NKAIN3: variants seen among roughly 807,000 people sequenced by gnomAD.
NKAIN3 encodes sodium/potassium-transporting ATPase subunit beta-1-interacting protein 3.
NKAIN3 carries 25 observed loss-of-function variants against 30.2 expected under a neutral mutation model. The ratio of observed to expected loss-of-function variants is 0.83; its 90% CI spans 0.60 to 1.16. NKAIN3 has a LOEUF of 1.16. NKAIN3 is among the 50% of genes most tolerant of loss of function. The probability of loss-of-function intolerance (pLI) is 0.00; values close to 1 mark genes in which losing one functional copy is unlikely to be tolerated. For missense variants in NKAIN3, 225 were observed against 254.1 expected (o/e 0.89, Z 0.78); for synonymous variants, 91 against 89.6 (o/e 1.02, Z -0.09).
intron 1 of NKAIN3, among the ~76,000 whole-genome samples, chr8:62,319,910 C>G (rs1338612400): frequency 6.6e-6 from 1 of 152,110 alleles, no homozygotes; most frequent in Admixed American, 6.6e-5. Context: ...TCTCGTTGAT[C>G]TGTCTAATGT....
At chr8:62,717,299 A>G (rs941791392) in intron 3 of NKAIN3, among the ~76,000 whole-genome samples, 2 of 152,192 alleles carry the variant, frequency 1.3e-5, no homozygotes, top group South Asian at 2.1e-4. Context: ...TTATTTTCCT[A>G]CAAGTATCAG....
At chr8:62,321,965 G>A (rs111428881) in intron 1 of NKAIN3, among the ~76,000 whole-genome samples, 2,134 of 152,244 alleles carry the variant, frequency 0.014, 45 homozygotes, top group African/African-American at 0.046. Flanking sequence ...CTTGAGCTGC[G>A]GTGGGCTCTA....
intron 3 of NKAIN3, among the ~76,000 whole-genome samples, chr8:62,648,508 A>G (rs1200300868): frequency 2.0e-5 from 3 of 152,148 alleles, no homozygotes; most frequent in Non-Finnish European, 2.9e-5. Flanking sequence ...AGGATAGAGG[A>G]AATAGAAAAA....
intron 4 of NKAIN3, among the ~76,000 whole-genome samples, chr8:62,858,805 G>A (rs902554807): frequency 2.0e-5 from 3 of 152,312 alleles, no homozygotes; most frequent in Admixed American, 2.0e-4. Flanking sequence ...TTTACTGCAG[G>A]CTGGCTGGAA....
At chr8:62,318,633 G>A (rs539998070) in intron 1 of NKAIN3, among the ~76,000 whole-genome samples, 10 of 152,240 alleles carry the variant, frequency 6.6e-5, no homozygotes, top group East Asian at 5.8e-4. Flanking sequence ...GCTGTATTAC[G>A]TTTATTGATT....
intron 3 of NKAIN3, among the ~76,000 whole-genome samples, chr8:62,642,910 T>C (rs547064778): frequency 1.1e-4 from 17 of 152,208 alleles, no homozygotes; most frequent in African/African-American, 3.9e-4. Context: ...TATAATAAGA[T>C]TGAATAAAAT....
intron 4 of NKAIN3, among the ~76,000 whole-genome samples, chr8:62,883,700 T>C (rs1310390434): frequency 5.3e-5 from 8 of 151,978 alleles, no homozygotes; most frequent in African/African-American, 1.9e-4. Context: ...TTTTTGTAGA[T>C]GTTTTTTGCC....
intron 1 of NKAIN3, among the ~76,000 whole-genome samples, chr8:62,498,830 G>A (rs1352397356): frequency 6.6e-6 from 1 of 151,834 alleles, no homozygotes; most frequent in African/African-American, 2.4e-5. Context: ...TAATGGGGAG[G>A]ACTGACATGA....
chr8:62,380,151 A>C (rs1209295210), intron 1 of NKAIN3, among the ~76,000 whole-genome samples: 2 of 152,246 alleles, frequency 1.3e-5, no homozygotes, highest in East Asian at 1.9e-4. Flanking sequence ...TAGCTTAGGC[A>C]GACTTCTGCC....
At chr8:62,601,674 A>G (rs1278296111) in intron 3 of NKAIN3, among the ~76,000 whole-genome samples, 4 of 152,038 alleles carry the variant, frequency 2.6e-5, no homozygotes, top group Admixed American at 6.6e-5. Context: ...GGATCTGTAA[A>G]GGGAGAATCA....
At chr8:62,942,130 G>A (rs2130884021) in intron 5 of NKAIN3, among the ~76,000 whole-genome samples, 1 of 150,774 alleles carries the variant, frequency 6.6e-6, no homozygotes, top group Non-Finnish European at 1.5e-5. Context: ...CAACAAAGCT[G>A]TGAATCAAAT....
intron 4 of NKAIN3, among the ~76,000 whole-genome samples, chr8:62,831,928 G>T (rs1330245476): frequency 6.6e-6 from 1 of 151,954 alleles, no homozygotes; most frequent in Non-Finnish European, 1.5e-5. Flanking sequence ...GACTGTCCAA[G>T]GCCAACGATA....
rs943357957 is a variant in NKAIN3 at position 62,966,779 on chromosome 8, A to T, written c.*1372A>T. 4.6e-5 allele frequency among the ~76,000 whole-genome samples: 7 copies of T among 152,204 alleles called. No individual in the cohort carries two copies. Among genetic ancestry groups the T allele is most frequent in the African/African-American group, 1.4e-4 (6 of 41,462 alleles). On this transcript the variant is annotated 3_prime_UTR_variant, in exon 7 of 7. Coordinates refer to ENST00000623646, the MANE Select transcript of NKAIN3 (RefSeq NM_001304533.3). ...ACAGTGAAGCTCCCTATAGGCCAGA[A>T]AGTTGTGAATATGTGGTTATTAACT...
At chr8:62,731,024 G>A (rs1351564958) in intron 3 of NKAIN3, among the ~76,000 whole-genome samples, 2 of 151,988 alleles carry the variant, frequency 1.3e-5, no homozygotes, top group African/African-American at 2.4e-5. Flanking sequence ...TGTGACTCAA[G>A]ACTTTGTAAA....
In NKAIN3 at chr8:62,319,505, G is replaced by A. The variant is rs571701327; in HGVS notation, c.54+70378G>A. Among the ~76,000 whole-genome samples, 11 of 152,076 alleles carry A rather than the reference G, an allele frequency of 7.2e-5. No homozygotes were observed. The South Asian group carries it at 2.3e-3, about 32-fold the overall frequency. On this transcript the variant is annotated intron_variant, in intron 1 of 6. Transcript: ENST00000623646. ...TTTCCCTCTACACACTGCTTTATAT[G>A]TGTCCCAGAGATTCTGGTATGTTGT...
chr8:62,649,166 A>G (rs1812554227), intron 3 of NKAIN3, among the ~76,000 whole-genome samples: 1 of 152,226 alleles, frequency 6.6e-6, no homozygotes, highest in Admixed American at 6.5e-5. Flanking sequence ...TCAGTGTCAA[A>G]TGTTTCTTTC....
chr8:62,484,466 G>T (rs1281342237), intron 1 of NKAIN3, among the ~76,000 whole-genome samples: 1 of 152,184 alleles, frequency 6.6e-6, no homozygotes, highest in African/African-American at 2.4e-5. Flanking sequence ...GGCCTGTGCA[G>T]ATCTTGGTTA....
chr8:62,807,755 G>T (rs1323618989), intron 4 of NKAIN3, among the ~76,000 whole-genome samples: 1 of 148,038 alleles, frequency 6.8e-6, no homozygotes, highest in Non-Finnish European at 1.5e-5. Context: ...GTTTCACCAT[G>T]GTGGCCAGGA....
intron 4 of NKAIN3, among the ~76,000 whole-genome samples, chr8:62,829,743 G>GATAGATAGATAGAT (rs1450408146): frequency 0.041 from 267 of 6,474 alleles, 1 homozygote; most frequent in Middle Eastern, 0.3. Flanking sequence ...ATAGATAGAT[G>GATAGATAGATAGAT]ATAGATAGAT....
Sources: allele counts gnomAD v4.1 joint callset (sites outside exome capture counted in the v4.1 genomes callset), GRCh38; gene constraint gnomAD v4.1.1; transcripts MANE v1.5; gene names NCBI Gene and HGNC (gene_info 2026-07-23, HGNC 2026-07-21).